The following CLVS1 variants were observed in gnomAD, a reference collection of about 807,000 sequenced individuals.
The protein encoded by CLVS1 is clavesin 1, also known as clavesin-1.
A neutral mutation model predicts 33.1 loss-of-function variants in CLVS1; 10 were observed. The observed-to-expected ratio is 0.30, with a 90% CI of 0.19 to 0.51. The LOEUF is 0.51. CLVS1 is among the 20% of genes least tolerant of loss of function. The pLI, the probability that CLVS1 is intolerant of heterozygous loss-of-function variation, is 0.97. For synonymous variants in CLVS1, 163 were observed against 166.1 expected (o/e 0.98, Z 0.14); for missense variants, 343 against 433.4 (o/e 0.79, Z 1.85).
At chr8:61,300,618 G>A (rs1304488611) in intron 2 of CLVS1, 1 of 197,000 alleles carries the variant, frequency 5.1e-6, no homozygotes, top group African/African-American at 2.3e-5. Flanking sequence ...CAAAAATGGA[G>A]TTAGTAGATG....
At chr8:61,443,976 T>C (rs1027312512) in intron 3 of CLVS1, among the ~76,000 whole-genome samples, 3 of 152,164 alleles carry the variant, frequency 2.0e-5, no homozygotes, top group Admixed American at 2.0e-4. Context: ...CTTAAGTATT[T>C]AATATTTTGA....
chr8:60,994,318 A>G, the CLVS1 span, among the ~76,000 whole-genome samples: 6 of 152,198 alleles, frequency 3.9e-5, no homozygotes, highest in Admixed American at 3.9e-4. Flanking sequence ...CCTATCTCCA[A>G]ATACAGTCAC....
At chr8:61,203,365 G>A in intron 2 of CLVS1, 1 of 568,350 alleles carries the variant, frequency 1.8e-6, no homozygotes, top group Non-Finnish European at 3.2e-6. Flanking sequence ...AGGTTCTATT[G>A]CCAAGAATGT....
chr8:61,199,966 GGT>G (rs985559237), intron 2 of CLVS1, among the ~76,000 whole-genome samples: 7 of 152,278 alleles, frequency 4.6e-5, no homozygotes, highest in African/African-American at 1.7e-4. Flanking sequence ...GACTGAAAGG[GGT>G]GGTGAGGCAT....
At chr8:61,335,065 T>C (rs1304362200) in intron 2 of CLVS1, among the ~76,000 whole-genome samples, 1 of 152,150 alleles carries the variant, frequency 6.6e-6, no homozygotes, top group Non-Finnish European at 1.5e-5. Flanking sequence ...CTGAGTCAGT[T>C]CCTGGGTTGG....
At chr8:61,366,173 A>T (rs1042653723) in intron 2 of CLVS1, among the ~76,000 whole-genome samples, 1 of 151,998 alleles carries the variant, frequency 6.6e-6, no homozygotes, top group African/African-American at 2.4e-5. Flanking sequence ...GCTGCTCTCT[A>T]TGGGCCCTGG....
At chr8:61,428,048 A>G (rs1815960080) in intron 3 of CLVS1, among the ~76,000 whole-genome samples, 1 of 152,240 alleles carries the variant, frequency 6.6e-6, no homozygotes, top group African/African-American at 2.4e-5. Context: ...TGTTACCCTG[A>G]TAGTGCTGTC....
chr8:61,228,910 A>G (rs1474071654), intron 2 of CLVS1, among the ~76,000 whole-genome samples: 1 of 152,212 alleles, frequency 6.6e-6, no homozygotes, highest in Admixed American at 6.5e-5. Flanking sequence ...ATATATATAT[A>G]TCCAGCAGTG....
chr8:61,034,938 T>G, the CLVS1 span, among the ~76,000 whole-genome samples: 1 of 152,298 alleles, frequency 6.6e-6, no homozygotes, highest in East Asian at 1.9e-4. Context: ...TTTCTCAGAT[T>G]CACAACTGGG....
chr8:61,134,967 G>A (rs549795258), intron 2 of CLVS1, among the ~76,000 whole-genome samples: 1 of 152,042 alleles, frequency 6.6e-6, no homozygotes, highest in East Asian at 1.9e-4. Flanking sequence ...GGGTGGTATT[G>A]AAGAGCAAGA....
intron 2 of CLVS1, among the ~76,000 whole-genome samples, chr8:61,249,661 C>T (rs923079846): frequency 6.6e-6 from 1 of 152,202 alleles, no homozygotes; most frequent in Admixed American, 6.5e-5. Flanking sequence ...TTGCATTTCT[C>T]TAATGACCAG....
Position 61,382,772 on chromosome 8 carries a change from C to T in CLVS1, c.630+5993C>T, listed in dbSNP as rs144214293. Among the ~76,000 whole-genome samples the T allele has an allele frequency of 3.9e-5, 6 of 152,264 alleles. No homozygotes were observed. The East Asian group carries it at 9.6e-4, about 24-fold the overall frequency. ...ACACTTCCAGGAGATGCTGCTGCTG[C>T]TGGTACAAACCACACTTTGGTGTGG... On this transcript the variant is annotated intron_variant, in intron 3 of 5. Coordinates refer to ENST00000325897, the MANE Select transcript of CLVS1 (RefSeq NM_173519.3).
intron 3 of CLVS1, among the ~76,000 whole-genome samples, chr8:61,397,764 T>C (rs1021870348): frequency 6.6e-6 from 1 of 152,212 alleles, no homozygotes; most frequent in Non-Finnish European, 1.5e-5. Flanking sequence ...AGACTATTCA[T>C]TTCTCATTGA....
chr8:61,076,664 G>A (rs1268002653), intron 1 of CLVS1, among the ~76,000 whole-genome samples: 1 of 152,238 alleles, frequency 6.6e-6, no homozygotes, highest in Non-Finnish European at 1.5e-5. Flanking sequence ...GATGATGAAT[G>A]TGCCAGATGC....
rs146134192 is a variant in CLVS1 at position 61,459,588 on chromosome 8, A to G, written c.977+1046A>G. On this transcript the variant is annotated intron_variant, in intron 5 of 5. Coordinates refer to ENST00000325897, the MANE Select transcript of CLVS1 (RefSeq NM_173519.3). ...GCTTAGCTCACCCATCGGTGAGAAC[A>G]TAAGATGTGAAACCTGATTTTTTAA... 8.7e-3 allele frequency among the ~76,000 whole-genome samples: 1,317 copies of G among 151,652 alleles called. 12 individuals carry two copies. The highest frequency in any genetic ancestry group is 0.039 in the South Asian group (187 of 4,774).
chr8:61,169,322 A>G (rs927665266), intron 2 of CLVS1, among the ~76,000 whole-genome samples: 7 of 152,208 alleles, frequency 4.6e-5, no homozygotes, highest in African/African-American at 1.7e-4. Flanking sequence ...TGTGCCCACC[A>G]AGCACAGGGA....
At chr8:61,427,087 C>G (rs559988692) in intron 3 of CLVS1, among the ~76,000 whole-genome samples, 9 of 152,310 alleles carry the variant, frequency 5.9e-5, no homozygotes, top group African/African-American at 2.2e-4. Flanking sequence ...ATTTCAAGTA[C>G]AATCCAACCA....
intron 1 of CLVS1, among the ~76,000 whole-genome samples, chr8:61,069,240 T>C (rs1804744197): frequency 6.6e-6 from 1 of 152,198 alleles, no homozygotes; most frequent in Non-Finnish European, 1.5e-5. Flanking sequence ...AGTGCTGGGA[T>C]TACAGGCATG....
chr8:61,246,046 A>G (rs963910397), intron 2 of CLVS1, among the ~76,000 whole-genome samples: 7 of 151,644 alleles, frequency 4.6e-5, no homozygotes, highest in African/African-American at 1.7e-4. Context: ...TTTTGGGATT[A>G]TAGGTGTGAG....
Sources: allele counts gnomAD v4.1 joint callset (sites outside exome capture counted in the v4.1 genomes callset), GRCh38; gene constraint gnomAD v4.1.1; transcripts MANE v1.5; gene names NCBI Gene and HGNC (gene_info 2026-07-23, HGNC 2026-07-21).